Variants in TTC34 observed in about 807,000 individuals in gnomAD.
The protein encoded by TTC34 is tetratricopeptide repeat domain 34, also known as tetratricopeptide repeat protein 34.
A neutral mutation model predicts 40.7 loss-of-function variants in TTC34; 44 were observed. The observed-to-expected ratio is 1.08, with a 90% CI of 0.85 to 1.39. TTC34 has a LOEUF of 1.39. Ranked by LOEUF, TTC34 falls within the 40% of genes most tolerant of loss-of-function variation. The probability of loss-of-function intolerance (pLI) is 0.00; values close to 1 mark genes in which losing one functional copy is unlikely to be tolerated. For synonymous variants in TTC34, 422 were observed against 398.6 expected (o/e 1.06, Z -0.70); for missense variants, 884 against 838.0 (o/e 1.05, Z -0.68).
chr1:2,752,773 C>T lies in TTC34; in HGVS notation c.2226+30836G>A, dbSNP rs1432944133. ...CTGACAGCGTGGAACAGCACCCATA[C>T]GCCCAGATAAGCATGTGACAGCCTG... is the stretch of plus-strand genomic sequence containing the variant. On this transcript the variant is annotated intron_variant, in intron 6 of 8. Transcript: ENST00000401095. Among the ~76,000 whole-genome samples, 48 of 120,210 alleles carry T rather than the reference C, an allele frequency of 4.0e-4. 7 individuals carry two copies. Among genetic ancestry groups the T allele is most frequent in the African/African-American group, 1.3e-3 (37 of 28,082 alleles). 78.9% of individuals were successfully genotyped at this position (120,210 alleles called of 152,430 possible).
rs534841563 is a variant in TTC34 at position 2,687,954 on chromosome 1, A to G, written c.2227-42391T>C. Among the ~76,000 whole-genome samples, 957 of 145,016 alleles carry G rather than the reference A, an allele frequency of 6.6e-3. 1 individual carries two copies. The highest frequency in any genetic ancestry group is 0.015 in the Middle Eastern group (3 of 206). ...CCAGGTGAGCCTCTGACAGCCTGGA[A>G]CAGCACGCGCACCCCCAGGAGAGCA... is the stretch of plus-strand genomic sequence containing the variant. On this transcript the variant is annotated intron_variant, in intron 6 of 8. Coordinates refer to ENST00000401095, the Ensembl canonical transcript of TTC34.
At chr1:2,765,755 C>A (rs1172276588) in intron 6 of TTC34, among the ~76,000 whole-genome samples, 2 of 45,112 alleles carry the variant, frequency 4.4e-5, no homozygotes, top group South Asian at 1.1e-3. Flanking sequence ...AGCGCCCACA[C>A]CCCCAGGTGA....
chr1:2,752,843 C>G (rs1641369675), intron 6 of TTC34, among the ~76,000 whole-genome samples: 2 of 148,602 alleles, frequency 1.3e-5, no homozygotes, highest in Non-Finnish European at 3.0e-5. Flanking sequence ...CAGACTGGAA[C>G]AGCACCCACA....
intron 6 of TTC34, among the ~76,000 whole-genome samples, chr1:2,677,726 C>T (rs111288917): frequency 7.5e-6 from 1 of 133,732 alleles, no homozygotes; most frequent in Admixed American, 7.7e-5. Context: ...GAACAGCACC[C>T]TGCACCCCCA....
intron 6 of TTC34, among the ~76,000 whole-genome samples, chr1:2,646,689 T>G (rs1639026827): frequency 6.6e-6 from 1 of 152,236 alleles, no homozygotes; most frequent in South Asian, 2.1e-4. Flanking sequence ...CCTGGCCTGT[T>G]TTTAATTTAG....
chr1:2,765,975 T>A (rs1289698699), intron 6 of TTC34, among the ~76,000 whole-genome samples: 7 of 154 alleles, frequency 0.045, no homozygotes, highest in Admixed American at 0.071. Context: ...AGCATCTGAC[T>A]GCCTGGAGCA....
At chr1:2,788,037 G>A (rs1643614695) in intron 3 of TTC34, among the ~76,000 whole-genome samples, 1 of 152,254 alleles carries the variant, frequency 6.6e-6, no homozygotes, top group Non-Finnish European at 1.5e-5. Flanking sequence ...GGGCTCAGGG[G>A]TGTGCCTATA....
chr1:2,691,774 G>A (rs1486733632), intron 6 of TTC34, among the ~76,000 whole-genome samples: 10 of 95,120 alleles, frequency 1.1e-4, no homozygotes, highest in African/African-American at 2.8e-4. Flanking sequence ...GCAAATAGCA[G>A]CACCCACACC....
At chr1:2,752,508 G>C (rs1641356379) in intron 6 of TTC34, among the ~76,000 whole-genome samples, 23 of 142,504 alleles carry the variant, frequency 1.6e-4, no homozygotes, top group Non-Finnish European at 3.0e-4. Flanking sequence ...GTGAGCATCT[G>C]ACAGCCTGGA....
At chr1:2,644,563 T>C (rs1472927331) in intron 7 of TTC34, 85 bp from the exon 8 acceptor site, 1 of 1,354,018 alleles carries the variant, frequency 7.4e-7, no homozygotes, top group Non-Finnish European at 1.0e-6. Flanking sequence ...GCTCCTTCCC[T>C]GCCCTGTGCT....
chr1:2,684,732 C>A (rs796973553), intron 6 of TTC34, among the ~76,000 whole-genome samples: 1 of 15,654 alleles, frequency 6.4e-5, no homozygotes, highest in Admixed American at 6.7e-4. Context: ...GGCGAGCATC[C>A]GACAGCCTGG....
chr1:2,760,945 C>G (rs1348794240), intron 6 of TTC34, among the ~76,000 whole-genome samples: 1 of 57,396 alleles, frequency 1.7e-5, no homozygotes, highest in Non-Finnish European at 2.9e-5. Flanking sequence ...CATCTGACAG[C>G]CTGGAGCAGC....
intron 2 of TTC34, among the ~76,000 whole-genome samples, chr1:2,793,835 T>C (rs1408764423): frequency 6.6e-6 from 1 of 152,198 alleles, no homozygotes; most frequent in Admixed American, 6.5e-5. Flanking sequence ...TAGCTTCATA[T>C]TAACTGGTAG....
intron 6 of TTC34, among the ~76,000 whole-genome samples, chr1:2,752,653 C>T (rs1212091090): frequency 7.2e-6 from 1 of 138,734 alleles, no homozygotes; most frequent in Non-Finnish European, 1.5e-5. Flanking sequence ...GCACACACAC[C>T]CCCAGGCGAG....
chr1:2,699,138 T>A (rs1328324323), intron 6 of TTC34, among the ~76,000 whole-genome samples: 2 of 127,638 alleles, frequency 1.6e-5, no homozygotes, highest in Non-Finnish European at 1.7e-5. Context: ...CACCCCCAGG[T>A]TAGCATCTGA....
chr1:2,686,752 G>GCA (rs1640372896), intron 6 of TTC34, among the ~76,000 whole-genome samples: 1 of 24,516 alleles, frequency 4.1e-5, no homozygotes. Context: ...AGCCTGGAAC[G>GCA]GCACCCACAC....
intron 5 of TTC34, among the ~76,000 whole-genome samples, chr1:2,785,298 T>TACCCTAGGAGATCCCTGC (rs1643566947): frequency 6.6e-6 from 1 of 151,384 alleles, no homozygotes; most frequent in African/African-American, 2.4e-5. Context: ...ACACTCCCTG[T>TACCCTAGGAGATCCCTGC]ACCCCAGGAG....
intron 8 of TTC34, among the ~76,000 whole-genome samples, chr1:2,644,016 C>T (rs1172763916): frequency 6.6e-6 from 1 of 152,206 alleles, no homozygotes. Context: ...CTCTCTTGCA[C>T]CCAAGTCACC....
At chr1:2,764,503 C>G (rs1641740336) in intron 6 of TTC34, among the ~76,000 whole-genome samples, 1 of 150,244 alleles carries the variant, frequency 6.7e-6, no homozygotes, top group South Asian at 2.1e-4. Context: ...CGTCCACACC[C>G]CCAGGTGAGC....
Sources: allele counts gnomAD v4.1 joint callset (sites outside exome capture counted in the v4.1 genomes callset), GRCh38; gene constraint gnomAD v4.1.1; transcripts MANE v1.5; gene names NCBI Gene and HGNC (gene_info 2026-07-23, HGNC 2026-07-21).